The following PCDH15 variants were observed in gnomAD, a reference collection of about 807,000 sequenced individuals.
PCDH15 encodes protocadherin related 15, also known as protocadherin-15.
Under a neutral mutation model 178.5 loss-of-function variants are expected in PCDH15, and 129 were observed. That is an observed-to-expected ratio of 0.72 (90% CI 0.63 to 0.84). The LOEUF (loss-of-function observed/expected upper bound fraction) is 0.84, where lower values mean the gene tolerates loss of function less well. Ranked by LOEUF, PCDH15 falls within the 40% of genes least tolerant of loss-of-function variation. PCDH15 has a pLI of 0.00. For missense variants in PCDH15, 2,230 were observed against 2,099.9 expected, an observed-to-expected ratio of 1.06 and a Z score of -1.21; for synonymous variants, 800 against 732.0, an observed-to-expected ratio of 1.09 and a Z score of -1.50.
chr10:53,823,886 G>T (rs1373286074), intron 32 of PCDH15: 1 of 420,930 alleles, frequency 2.4e-6, no homozygotes, highest in Non-Finnish European at 4.9e-6. Flanking sequence ...AATCACCAAG[G>T]ACAGATGGGA....
chr10:54,062,264 T>TAAAAAAAAAAAAAAAAAAAAAAAA (rs1590190592), intron 18 of PCDH15, among the ~76,000 whole-genome samples: 2 of 77,796 alleles, frequency 2.6e-5, no homozygotes, highest in Admixed American at 1.2e-4. Flanking sequence ...AAAAAACAAC[T>TAAAAAAAAAAAAAAAAAAAAAAAA]AAATGAAAAC....
At chr10:53,818,228 A>G (rs1006217381) in intron 33 of PCDH15, 4 of 364,806 alleles carry the variant, frequency 1.1e-5, no homozygotes, top group Non-Finnish European at 1.9e-5. Context: ...TGATCAACCC[A>G]GAGCCTCGTT....
At chr10:54,566,091 T>G (rs1241274158) in intron 2 of PCDH15, among the ~76,000 whole-genome samples, 1 of 151,942 alleles carries the variant, frequency 6.6e-6, no homozygotes, top group Non-Finnish European at 1.5e-5. Context: ...TCTCAATAAA[T>G]AAATACATAC....
At chr10:54,023,571 T>C (rs7918618) in intron 18 of PCDH15, among the ~76,000 whole-genome samples, 82,258 of 147,550 alleles carry the variant, frequency 0.56, 23,122 homozygotes, top group Middle Eastern at 0.71. Context: ...TTTAAGATTA[T>C]GTAGGTTTTT....
intron 2 of PCDH15, among the ~76,000 whole-genome samples, chr10:55,009,380 T>C (rs1380549109): frequency 6.6e-6 from 1 of 152,028 alleles, no homozygotes; most frequent in African/African-American, 2.4e-5. Flanking sequence ...TTAACAAGAC[T>C]AGATACTTTT....
intron 15 of PCDH15, among the ~76,000 whole-genome samples, chr10:54,100,758 A>T (rs1244076610): frequency 1.3e-5 from 2 of 152,228 alleles, no homozygotes; most frequent in African/African-American, 4.8e-5. Flanking sequence ...ATACTCAGCA[A>T]CATATAGTAA....
At chr10:54,862,131 A>G (rs973913788) in intron 3 of PCDH15, among the ~76,000 whole-genome samples, 8 of 152,228 alleles carry the variant, frequency 5.3e-5, no homozygotes, top group African/African-American at 1.9e-4. Context: ...TCATAGTAAT[A>G]CATCTATATA....
At chr10:55,596,293 A>C (rs192476950) in intron 2 of PCDH15, among the ~76,000 whole-genome samples, 1 of 152,156 alleles carries the variant, frequency 6.6e-6, no homozygotes, top group Admixed American at 6.6e-5. Flanking sequence ...ATTTGATCCT[A>C]CTTTTTTTTC....
At position 54,727,598 on chromosome 10, in the gene PCDH15, C is replaced by A. The variant is rs550218998; in HGVS notation, c.-28-63308G>T. Among the ~76,000 whole-genome samples, 5 of 151,024 alleles carry A rather than the reference C, an allele frequency of 3.3e-5. No homozygotes were observed. The East Asian group carries it at 9.8e-4, about 30-fold the overall frequency. On this transcript the variant is annotated intron_variant, in intron 1 of 37. Coordinates refer to ENST00000644397, the MANE Select transcript of PCDH15 (RefSeq NM_001384140.1). ...AAGACAAGAAATAACCAAAATCAGA[C>A]CTGAACTGAACAAAACTGAGATGCA... is the stretch of plus-strand genomic sequence containing the variant.
intron 1 of PCDH15, among the ~76,000 whole-genome samples, chr10:54,699,882 ACAAAT>A (rs2095285445): frequency 6.6e-6 from 1 of 152,122 alleles, no homozygotes; most frequent in Non-Finnish European, 1.5e-5. Flanking sequence ...ATAGGGGAAA[ACAAAT>A]GGACAAAATG....
chr10:55,361,816 A>T (rs1845236813), intron 2 of PCDH15, among the ~76,000 whole-genome samples: 1 of 152,092 alleles, frequency 6.6e-6, no homozygotes, highest in Admixed American at 6.6e-5. Context: ...TTCATTACAA[A>T]TGTACAGTGT....
At chr10:55,276,342 A>G (rs1382648194) in intron 1 of PCDH15, among the ~76,000 whole-genome samples, 1 of 151,236 alleles carries the variant, frequency 6.6e-6, no homozygotes, top group Non-Finnish European at 1.5e-5. Context: ...ATTTACTGAT[A>G]GGATCATTGT....
At chr10:55,599,774 A>T (rs984140908) in intron 2 of PCDH15, 2 of 435,182 alleles carry the variant, frequency 4.6e-6, no homozygotes, top group African/African-American at 2.0e-5. Flanking sequence ...TCTACCAAAA[A>T]CATCACCCCT....
intron 1 of PCDH15, among the ~76,000 whole-genome samples, chr10:55,277,351 C>T (rs553494613): frequency 6.6e-6 from 1 of 151,860 alleles, no homozygotes; most frequent in African/African-American, 2.4e-5. Context: ...TTAAAAATAA[C>T]CCTGTGATTC....
chr10:54,395,248 A>C, intron 3 of PCDH15, among the ~76,000 whole-genome samples: 1 of 152,136 alleles, frequency 6.6e-6, no homozygotes, highest in Non-Finnish European at 1.5e-5. Context: ...GAAATTATAA[A>C]AGTATTAATT....
At chr10:54,199,009 T>C (rs1171937359) in intron 10 of PCDH15, among the ~76,000 whole-genome samples, 1 of 152,176 alleles carries the variant, frequency 6.6e-6, no homozygotes, top group Non-Finnish European at 1.5e-5. Flanking sequence ...AGTAAAAATA[T>C]GTATTATTTG....
intron 8 of PCDH15, among the ~76,000 whole-genome samples, chr10:54,261,194 T>A (rs1301903465): frequency 1.3e-5 from 2 of 152,030 alleles, no homozygotes; most frequent in African/African-American, 4.8e-5. Context: ...AAATGTAAAA[T>A]CAGTGAGACC....
At chr10:54,389,977 T>C (rs1950353233) in intron 3 of PCDH15, among the ~76,000 whole-genome samples, 1 of 151,998 alleles carries the variant, frequency 6.6e-6, no homozygotes, top group South Asian at 2.1e-4. Flanking sequence ...ATCCATATCA[T>C]TCTGATGCTT....
chr10:54,709,311 C>G (rs1243682054), intron 1 of PCDH15, among the ~76,000 whole-genome samples: 1 of 151,996 alleles, frequency 6.6e-6, no homozygotes, highest in Non-Finnish European at 1.5e-5. Flanking sequence ...AGATTCTCCA[C>G]TTATTCTTGG....
Sources: allele counts gnomAD v4.1 joint callset (sites outside exome capture counted in the v4.1 genomes callset), GRCh38; gene constraint gnomAD v4.1.1; transcripts MANE v1.5; gene names NCBI Gene and HGNC (gene_info 2026-07-23, HGNC 2026-07-21).